The following TMCO5A variants were observed in gnomAD, a reference collection of about 807,000 sequenced individuals.
TMCO5A encodes transmembrane and coiled-coil domains 5A, also known as transmembrane and coiled-coil domain-containing protein 5A.
A neutral mutation model predicts 42.3 loss-of-function variants in TMCO5A; 34 were observed. The observed-to-expected ratio is 0.80, with a 90% CI of 0.61 to 1.07. TMCO5A has a LOEUF of 1.07. TMCO5A is among the 50% of genes least tolerant of loss of function. TMCO5A has a pLI of 0.00. For synonymous variants in TMCO5A, 131 were observed against 115.6 expected (o/e 1.13, Z -0.86); for missense variants, 357 against 327.9 (o/e 1.09, Z -0.69).
intron 11 of TMCO5A, among the ~76,000 whole-genome samples, chr15:37,961,861 G>C (rs1890436310): frequency 6.6e-6 from 1 of 151,580 alleles, no homozygotes; most frequent in African/African-American, 2.4e-5. Flanking sequence ...GTATATAGAA[G>C]AGCTACTGAT....
At chr15:38,002,427 A>ATC in the TMCO5A span, among the ~76,000 whole-genome samples, 57 of 151,020 alleles carry the variant, frequency 3.8e-4, no homozygotes, top group African/African-American at 1.4e-3. Context: ...CCACCCTGGT[A>ATC]TCTCTCTCTC....
chr15:38,007,958 C>G, the TMCO5A span, among the ~76,000 whole-genome samples: 78 of 129,172 alleles, frequency 6.0e-4, 1 homozygote, highest in East Asian at 0.017. Context: ...TGCAGTGGCA[C>G]GATCTCGGCT....
chr15:37,999,176 G>C, the TMCO5A span, among the ~76,000 whole-genome samples: 1 of 152,220 alleles, frequency 6.6e-6, no homozygotes, highest in Non-Finnish European at 1.5e-5. Flanking sequence ...AAAGTGCTGG[G>C]ATTACAGGCG....
intron 10 of TMCO5A, 112 bp downstream of exon 10, chr15:37,943,510 C>T: frequency 1.0e-6 from 1 of 982,420 alleles, no homozygotes; most frequent in South Asian, 1.5e-5. Flanking sequence ...GCGCATTTTC[C>T]AAGAACAGTA....
At chr15:37,983,637 A>G in the TMCO5A span, among the ~76,000 whole-genome samples, 1 of 152,166 alleles carries the variant, frequency 6.6e-6, no homozygotes, top group African/African-American at 2.4e-5. Flanking sequence ...ACCATGAGGT[A>G]CTTTCCCAAG....
At chr15:38,014,829 G>A in the TMCO5A span, among the ~76,000 whole-genome samples, 2 of 131,146 alleles carry the variant, frequency 1.5e-5, no homozygotes, top group African/African-American at 5.7e-5. Context: ...TTCTCTTAGA[G>A]GAACAGAACT....
intron 10 of TMCO5A, among the ~76,000 whole-genome samples, chr15:37,946,277 AG>A: frequency 6.6e-6 from 1 of 152,250 alleles, no homozygotes; most frequent in Non-Finnish European, 1.5e-5. Context: ...CTTGTAATAT[AG>A]TTTGAAGTCA....
At chr15:37,996,675 T>C in the TMCO5A span, among the ~76,000 whole-genome samples, 1 of 152,210 alleles carries the variant, frequency 6.6e-6, no homozygotes, top group Admixed American at 6.5e-5. Flanking sequence ...CTCTCAACTT[T>C]AGAAAGGGAG....
chr15:37,992,988 C>T, the TMCO5A span, among the ~76,000 whole-genome samples: 2 of 152,118 alleles, frequency 1.3e-5, no homozygotes, highest in Non-Finnish European at 2.9e-5. Flanking sequence ...CACAAGTACC[C>T]CTGAACCTAA....
At chr15:37,963,842 GT>G (rs1890490770) in intron 11 of TMCO5A, among the ~76,000 whole-genome samples, 1 of 152,156 alleles carries the variant, frequency 6.6e-6, no homozygotes, top group Admixed American at 6.6e-5. Context: ...TTGCTTTAAA[GT>G]TTGTTTTGTC....
chr15:37,955,598 G>T (rs1040996532), downstream of TMCO5A, among the ~76,000 whole-genome samples: 1 of 152,066 alleles, frequency 6.6e-6, no homozygotes, highest in African/African-American at 2.4e-5. Flanking sequence ...CATAAAGCAA[G>T]TTCTCAGAGA....
the TMCO5A span, among the ~76,000 whole-genome samples, chr15:38,013,031 G>A: frequency 6.6e-6 from 1 of 152,146 alleles, no homozygotes; most frequent in Non-Finnish European, 1.5e-5. Context: ...TAGGAGAGAA[G>A]TCACAGTTGG....
the TMCO5A span, among the ~76,000 whole-genome samples, chr15:37,986,006 A>G: frequency 6.6e-6 from 1 of 152,080 alleles, no homozygotes; most frequent in African/African-American, 2.4e-5. Context: ...TGCTTTGAAA[A>G]TCTGTAGAAT....
chr15:37,946,089 T>C (rs1033788825), intron 10 of TMCO5A, among the ~76,000 whole-genome samples: 2 of 152,208 alleles, frequency 1.3e-5, no homozygotes, highest in Non-Finnish European at 2.9e-5. Context: ...TGTATATGGC[T>C]AGCCAGTTTT....
chr15:38,033,046 G>C, the TMCO5A span, among the ~76,000 whole-genome samples: 1 of 151,062 alleles, frequency 6.6e-6, no homozygotes, highest in African/African-American at 2.4e-5. Context: ...TCCTGCCTCA[G>C]CCTCCCGAGT....
chr15:37,977,490 G>C, the TMCO5A span, among the ~76,000 whole-genome samples: 4 of 152,176 alleles, frequency 2.6e-5, no homozygotes, highest in African/African-American at 9.7e-5. Flanking sequence ...AGTATTTTTG[G>C]TGTTGAAGTT....
chr15:37,953,534 A>T (rs1032542181), downstream of TMCO5A, among the ~76,000 whole-genome samples: 1 of 152,178 alleles, frequency 6.6e-6, no homozygotes, highest in Admixed American at 6.5e-5. Flanking sequence ...CCTAAAGCAG[A>T]TATGGCTTAG....
At chr15:37,966,384 T>C (rs150752082) in intron 11 of TMCO5A, among the ~76,000 whole-genome samples, 2 of 152,286 alleles carry the variant, frequency 1.3e-5, no homozygotes, top group African/African-American at 4.8e-5. Context: ...TAAGTATAAT[T>C]GGTTTGTAAA....
At chr15:37,972,758 C>T in the TMCO5A span, among the ~76,000 whole-genome samples, 5 of 152,136 alleles carry the variant, frequency 3.3e-5, no homozygotes, top group Non-Finnish European at 7.3e-5. Context: ...ATTTCTTTTG[C>T]TGTGCAGAAG....
Sources: gnomAD v4.1 joint callset for allele counts (sites outside exome capture counted in the v4.1 genomes callset) on GRCh38, gnomAD v4.1.1 for gene constraint, MANE v1.5 for transcripts, NCBI Gene and HGNC (gene_info 2026-07-23, HGNC 2026-07-21) for gene names.